The following NFIA variants were observed in gnomAD, a reference collection of about 807,000 sequenced individuals.
NFIA encodes the protein nuclear factor 1 A-type.
NFIA carries 8 observed loss-of-function variants against 62.8 expected under a neutral mutation model. That is an observed-to-expected ratio of 0.13 (90% confidence interval 0.07 to 0.23). The LOEUF is 0.23. Among genes scored for constraint, NFIA ranks in the 10% least tolerant of loss-of-function variants. NFIA has a pLI of 1.00. For synonymous variants in NFIA, 235 were observed against 238.1 expected (o/e 0.99, Z 0.12); for missense variants, 410 against 642.1 (o/e 0.64, Z 3.91).
intron 3 of NFIA, among the ~76,000 whole-genome samples, chr1:61,309,268 C>CATGTTAGTCCTAT (rs575179017): frequency 0.02 from 3,094 of 152,158 alleles, 45 homozygotes; most frequent in African/African-American, 0.047. Context: ...GTGTGTCCTA[C>CATGTTAGTCCTAT]GAATCTTGGA....
intron 2 of NFIA, among the ~76,000 whole-genome samples, chr1:61,105,338 T>G (rs1390198590): frequency 2.0e-5 from 3 of 152,012 alleles, no homozygotes; most frequent in Admixed American, 2.0e-4. Context: ...TTCTTAACAT[T>G]ACACTACAAT....
chr1:61,254,559 A>G (rs1390898559), intron 2 of NFIA, among the ~76,000 whole-genome samples: 1 of 152,352 alleles, frequency 6.6e-6, no homozygotes, highest in East Asian at 1.9e-4. Context: ...TACATAGAAC[A>G]GTTATGGAGC....
chr1:61,443,471 G>A (rs188659452), intron 10 of NFIA, among the ~76,000 whole-genome samples: 6 of 152,164 alleles, frequency 3.9e-5, no homozygotes, highest in Admixed American at 3.9e-4. Flanking sequence ...CACCCCCACA[G>A]CAGTGCTTAC....
intron 2 of NFIA, among the ~76,000 whole-genome samples, chr1:61,192,180 G>A (rs1266848367): frequency 2.0e-5 from 3 of 152,030 alleles, no homozygotes; most frequent in Non-Finnish European, 2.9e-5. Context: ...GGATGGTTTC[G>A]ATCTCCTGAC....
intron 2 of NFIA, among the ~76,000 whole-genome samples, chr1:61,168,732 G>A (rs1252601205): frequency 1.3e-5 from 2 of 152,136 alleles, no homozygotes; most frequent in Non-Finnish European, 2.9e-5. Context: ...TCTTTTCTAA[G>A]GCTTGAAAAA....
chr1:61,245,866 G>T (rs1655610392), intron 2 of NFIA, among the ~76,000 whole-genome samples: 1 of 152,130 alleles, frequency 6.6e-6, no homozygotes, highest in African/African-American at 2.4e-5. Context: ...CACGGCAAGA[G>T]TCCAAGACAG....
chr1:61,189,156 A>T (rs935476878), intron 2 of NFIA, among the ~76,000 whole-genome samples: 3 of 152,148 alleles, frequency 2.0e-5, no homozygotes, highest in African/African-American at 7.2e-5. Context: ...CAGAGAAAGC[A>T]GTGGTCTTGG....
At chr1:61,394,818 G>A (rs373697136) in intron 7 of NFIA, among the ~76,000 whole-genome samples, 138 of 152,338 alleles carry the variant, frequency 9.1e-4, no homozygotes, top group Middle Eastern at 6.8e-3. Context: ...TGCCTTGAAA[G>A]TAGTCTTTGG....
chr1:61,096,031 G>C (rs1338202648), intron 2 of NFIA, among the ~76,000 whole-genome samples: 2 of 151,634 alleles, frequency 1.3e-5, no homozygotes, highest in African/African-American at 2.4e-5. Context: ...AATTCACTTT[G>C]CTCTGAAAAA....
At chr1:61,178,010 C>G (rs1179969732) in intron 2 of NFIA, among the ~76,000 whole-genome samples, 1 of 152,114 alleles carries the variant, frequency 6.6e-6, no homozygotes. Flanking sequence ...TATATGGCAC[C>G]TTACAAGAGC....
At chr1:61,448,418 GA>G (rs1375593227) in intron 10 of NFIA, among the ~76,000 whole-genome samples, 1 of 152,216 alleles carries the variant, frequency 6.6e-6, no homozygotes, top group African/African-American at 2.4e-5. Context: ...CTTGTAGAGT[GA>G]TTTGCTTTCC....
chr1:61,102,641 C>T (rs1461984818), intron 2 of NFIA, among the ~76,000 whole-genome samples: 1 of 152,012 alleles, frequency 6.6e-6, no homozygotes, highest in Non-Finnish European at 1.5e-5. Context: ...TTCAATAATA[C>T]TATATATTTT....
chr1:61,329,913 G>A (rs1190702872), intron 3 of NFIA, among the ~76,000 whole-genome samples: 2 of 152,180 alleles, frequency 1.3e-5, no homozygotes, highest in African/African-American at 4.8e-5. Flanking sequence ...CCATGCTGGT[G>A]AAGAGGGAAG....
At chr1:61,149,114 T>C (rs149669801) in intron 2 of NFIA, among the ~76,000 whole-genome samples, 179 of 150,488 alleles carry the variant, frequency 1.2e-3, no homozygotes, top group South Asian at 2.1e-3. Context: ...CAGGCTGGTC[T>C]CGAACTCCTG....
At chr1:61,387,478 T>G (rs11810853) in intron 7 of NFIA, among the ~76,000 whole-genome samples, 4 of 142,806 alleles carry the variant, frequency 2.8e-5, no homozygotes, top group Non-Finnish European at 3.0e-5. Context: ...CTTTTTTTTT[T>G]TTTTTTTTTT....
intron 3 of NFIA, among the ~76,000 whole-genome samples, chr1:61,307,572 C>T (rs754380986): frequency 7.2e-5 from 11 of 152,168 alleles, no homozygotes; most frequent in East Asian, 1.9e-4. Flanking sequence ...ATAAGTGTGT[C>T]GAGTGATCCA....
At chr1:61,127,312 C>G (rs1325301925) in intron 2 of NFIA, among the ~76,000 whole-genome samples, 1 of 151,788 alleles carries the variant, frequency 6.6e-6, no homozygotes, top group African/African-American at 2.4e-5. Context: ...AAAAAATTAG[C>G]CGGGCATGGT....
intron 2 of NFIA, among the ~76,000 whole-genome samples, chr1:61,276,215 T>A (rs1207479595): frequency 6.6e-6 from 1 of 152,234 alleles, no homozygotes; most frequent in African/African-American, 2.4e-5. Flanking sequence ...TATAGCACTT[T>A]CTTATAAGTA....
intron 2 of NFIA, among the ~76,000 whole-genome samples, chr1:61,275,293 T>C (rs1657744659): frequency 6.6e-6 from 1 of 152,192 alleles, no homozygotes; most frequent in Non-Finnish European, 1.5e-5. Flanking sequence ...TCTTTTATTG[T>C]TGTTCATGTT....
Sources: gnomAD v4.1 joint callset for allele counts (sites outside exome capture counted in the v4.1 genomes callset) on GRCh38, gnomAD v4.1.1 for gene constraint, MANE v1.5 for transcripts, NCBI Gene and HGNC (gene_info 2026-07-23, HGNC 2026-07-21) for gene names.